ROR1: variants seen among roughly 807,000 people sequenced by gnomAD.
ROR1 encodes the protein ROR family WNT receptor 1, also known as inactive tyrosine-protein kinase transmembrane receptor ROR1.
ROR1 carries 19 observed loss-of-function variants against 78.8 expected under a neutral mutation model. The ratio of observed to expected loss-of-function variants is 0.24; its 90% confidence interval spans 0.17 to 0.35. The LOEUF is 0.35. Among genes scored for constraint, ROR1 ranks in the 10% least tolerant of loss-of-function variants. The probability of loss-of-function intolerance (pLI) is 1.00; values close to 1 mark genes in which losing one functional copy is unlikely to be tolerated. For synonymous variants in ROR1, 386 were observed against 433.6 expected, an observed-to-expected ratio of 0.89 and a Z score of 1.36; for missense variants, 917 against 1,177.8, an observed-to-expected ratio of 0.78 and a Z score of 3.24.
At chr1:64,120,844 G>A (rs537825420) in intron 4 of ROR1, among the ~76,000 whole-genome samples, 214 of 152,246 alleles carry the variant, frequency 1.4e-3, no homozygotes, top group African/African-American at 5.0e-3. Flanking sequence ...ATGGATGGAT[G>A]GAGAATGGCT....
intron 4 of ROR1, among the ~76,000 whole-genome samples, chr1:64,136,037 G>A (rs913352293): frequency 1.3e-5 from 2 of 152,180 alleles, no homozygotes; most frequent in African/African-American, 2.4e-5. Context: ...TGCCTCTTAC[G>A]ATGTGGGAGC....
rs537692699 is a variant in ROR1 at position 64,179,226 on chromosome 1, T to C, written c.*371T>C. On this transcript the variant is annotated 3_prime_UTR_variant, in exon 9 of 9. Coordinates refer to ENST00000371079, the MANE Select transcript of ROR1 (RefSeq NM_005012.4). ...TTTGTGTTTTAGCCTTCAGTCACCA[T>C]GACTGGTCTCTCCCCCAGATGTATA... 2 of 197,964 alleles carry C rather than the reference T, an allele frequency of 1.0e-5. No individual in the cohort carries two copies. The highest frequency in any genetic ancestry group is 2.9e-4 in the East Asian group (2 of 6,980). 12.3% of individuals were successfully genotyped at this position (197,964 alleles called of 1,614,324 possible).
chr1:64,156,007 C>G (rs1342424521), intron 7 of ROR1, among the ~76,000 whole-genome samples: 1 of 152,104 alleles, frequency 6.6e-6, no homozygotes, highest in Non-Finnish European at 1.5e-5. Context: ...CTCTACCAAT[C>G]GTATTTATTC....
At chr1:63,942,037 T>C (rs1645845342) in intron 1 of ROR1, among the ~76,000 whole-genome samples, 1 of 152,174 alleles carries the variant, frequency 6.6e-6, no homozygotes. Flanking sequence ...CTACTCTCAG[T>C]TTATGCTCTC....
At chr1:63,798,861 G>T (rs1247653832) in intron 1 of ROR1, among the ~76,000 whole-genome samples, 1 of 151,978 alleles carries the variant, frequency 6.6e-6, no homozygotes, top group Non-Finnish European at 1.5e-5. Flanking sequence ...TTCATCTCTG[G>T]ACTACTTTGA....
intron 1 of ROR1, among the ~76,000 whole-genome samples, chr1:63,980,417 A>C (rs1646201071): frequency 6.6e-6 from 1 of 152,206 alleles, no homozygotes; most frequent in Non-Finnish European, 1.5e-5. Flanking sequence ...GGCCTGTGTG[A>C]ATGTAAATTA....
chr1:64,049,550 T>C (rs1283418614), intron 2 of ROR1, 141 bp from the exon 3 acceptor site: 3 of 743,382 alleles, frequency 4.0e-6, no homozygotes, highest in Non-Finnish European at 6.7e-6. Context: ...TCAATGTGAT[T>C]GTTTCTTTCC....
chr1:63,805,606 A>G (rs1644823820), intron 1 of ROR1, among the ~76,000 whole-genome samples: 1 of 152,218 alleles, frequency 6.6e-6, no homozygotes, highest in South Asian at 2.1e-4. Context: ...AAGCACAAAA[A>G]GGTGATGTCT....
rs761928420 is a variant in ROR1 at position 64,178,902 on chromosome 1, C to T, written c.*47C>T. 1.0e-5 allele frequency: 14 copies of T among 1,381,814 alleles called. No homozygotes were observed. Among genetic ancestry groups the T allele is most frequent in the African/African-American group, 8.8e-5 (6 of 68,324 alleles). 85.6% of individuals were successfully genotyped at this position (1,381,814 alleles called of 1,614,324 possible). A position where few individuals can be genotyped will look rare whatever the true frequency, so the allele number is the denominator to read the frequency against. On this transcript the variant is annotated 3_prime_UTR_variant, in exon 9 of 9. Coordinates refer to ENST00000371079, the MANE Select transcript of ROR1 (RefSeq NM_005012.4). This position sits in a 1 kb window ranked among gnomAD's most constrained non-coding sequence, Gnocchi z 4.3. ...TGGTATACAGGACAAACTAGACGGC[C>T]GTAGAAAAGATTTATATTCAAATGT...
chr1:63,881,616 T>G (rs1435101297), intron 1 of ROR1, among the ~76,000 whole-genome samples: 4 of 152,174 alleles, frequency 2.6e-5, no homozygotes, highest in Admixed American at 2.6e-4. Context: ...ATTTTGTATA[T>G]AGAGATCTTA....
intron 1 of ROR1, among the ~76,000 whole-genome samples, chr1:63,909,822 T>C (rs1398560823): frequency 2.0e-5 from 3 of 152,172 alleles, no homozygotes; most frequent in Non-Finnish European, 2.9e-5. Flanking sequence ...TTTATTCGCC[T>C]CAGTCTCACT....
At chr1:64,046,230 G>A (rs1474808347) in intron 2 of ROR1, among the ~76,000 whole-genome samples, 2 of 152,188 alleles carry the variant, frequency 1.3e-5, no homozygotes, top group African/African-American at 2.4e-5. Flanking sequence ...TGGCAGAACT[G>A]CTACTTGAGT....
chr1:64,054,791 A>C (rs1646861022), intron 4 of ROR1, among the ~76,000 whole-genome samples: 1 of 152,212 alleles, frequency 6.6e-6, no homozygotes, highest in Non-Finnish European at 1.5e-5. Context: ...ATAGAAATTT[A>C]GTATCTCATA....
chr1:63,880,784 T>TTCCA (rs982876685), intron 1 of ROR1, among the ~76,000 whole-genome samples: 26 of 152,232 alleles, frequency 1.7e-4, no homozygotes, highest in African/African-American at 5.8e-4. Context: ...CCATCTATCC[T>TTCCA]TCCATCCATC....
At chr1:64,036,619 G>A (rs1411807546) in intron 2 of ROR1, among the ~76,000 whole-genome samples, 1 of 152,100 alleles carries the variant, frequency 6.6e-6, no homozygotes, top group Non-Finnish European at 1.5e-5. Context: ...TTCCTAGCAC[G>A]GAATCTGTCA....
chr1:63,885,428 G>A (rs1047399933), intron 1 of ROR1, among the ~76,000 whole-genome samples: 7 of 151,996 alleles, frequency 4.6e-5, no homozygotes, highest in Non-Finnish European at 1.0e-4. Context: ...GGTGAATATT[G>A]TTCTGTTGAA....
At chr1:64,162,952 G>A (rs1398676908) in intron 8 of ROR1, among the ~76,000 whole-genome samples, 2 of 152,118 alleles carry the variant, frequency 1.3e-5, no homozygotes, top group Non-Finnish European at 2.9e-5. Context: ...TTGGGTAAGG[G>A]AGAGAAGCTG....
chr1:64,109,552 C>G lies in ROR1; in HGVS notation c.483-27817C>G, dbSNP rs553069486. 1.5e-3 allele frequency among the ~76,000 whole-genome samples: 222 copies of G among 152,132 alleles called. 1 individual carries two copies. The highest frequency in any genetic ancestry group is 2.7e-3 in the Non-Finnish European group (183 of 67,982). On this transcript the variant is annotated intron_variant, in intron 4 of 8. Coordinates refer to ENST00000371079, the MANE Select transcript of ROR1 (RefSeq NM_005012.4). ...GAATCTTCCTTGTGCTATAGAAGAG[C>G]CCTGTAGGCAAAGTTACTTATCCTT...
At chr1:63,898,504 GA>G (rs539439961) in intron 1 of ROR1, among the ~76,000 whole-genome samples, 458 of 148,736 alleles carry the variant, frequency 3.1e-3, no homozygotes, top group African/African-American at 8.4e-3. Flanking sequence ...AACACATATT[GA>G]AAAAAAGGGA....
Sources: gnomAD v4.1 joint callset for allele counts (sites outside exome capture counted in the v4.1 genomes callset) on GRCh38, gnomAD v4.1.1 for gene constraint, Gnocchi (gnomAD v3.1) non-coding constraint, MANE v1.5 for transcripts, NCBI Gene and HGNC (gene_info 2026-07-23, HGNC 2026-07-21) for gene names.